Variants in IRAG1 observed in about 807,000 individuals in gnomAD.
IRAG1 encodes the protein IP3R-associated cGMP kinase substrate.
Under a neutral mutation model 106.2 loss-of-function variants are expected in IRAG1, and 62 were observed. The observed-to-expected ratio is 0.58, with a 90% CI of 0.48 to 0.72. IRAG1 has a LOEUF of 0.72. IRAG1 is among the 30% of genes least tolerant of loss of function. IRAG1 has a pLI of 0.00. For missense variants in IRAG1, 1,064 were observed against 1,140.7 expected, an observed-to-expected ratio of 0.93 and a Z score of 0.97; for synonymous variants, 462 against 443.9, an observed-to-expected ratio of 1.04 and a Z score of -0.51.
chr11:10,686,730 T>A (rs2135253369), intron 1 of IRAG1, among the ~76,000 whole-genome samples: 1 of 152,294 alleles, frequency 6.6e-6, no homozygotes, highest in Middle Eastern at 3.4e-3. Context: ...ATGGTTTTGG[T>A]TTGACTCTCA....
At chr11:10,689,331 G>A (rs980502543) in intron 1 of IRAG1, among the ~76,000 whole-genome samples, 1 of 152,134 alleles carries the variant, frequency 6.6e-6, no homozygotes, top group Non-Finnish European at 1.5e-5. Flanking sequence ...CTCATTCCCG[G>A]CTGACCCTGG....
At chr11:10,680,386 AAGG>A (rs1280016301) in intron 1 of IRAG1, among the ~76,000 whole-genome samples, 1 of 80,454 alleles carries the variant, frequency 1.2e-5, no homozygotes, top group African/African-American at 7.5e-5. Context: ...GGAAGGAAGG[AAGG>A]AAGGAAGGAA....
In IRAG1 at chr11:10,609,785, G is replaced by A. The variant is rs1296473384; in HGVS notation, c.1514C>T (p.Pro505Leu). 11 of 1,613,758 alleles carry A rather than the reference G, an allele frequency of 6.8e-6. No homozygotes were observed. The highest frequency in any genetic ancestry group is 9.3e-6 in the Non-Finnish European group (11 of 1,179,844). Residue 505 changes from proline to leucine, a missense_variant, in exon 11 of 21, where the codon CCT becomes CTT. By Grantham distance (98) the Pro-to-Leu change is moderately conservative. Transcript: ENST00000423302. ...GCGCAGCAGCACATCAGAAATATTAGGCATGACATCTAAGCCACTCTTTGA... is the reference window on the plus strand; with the variant it reads ...GCGCAGCAGCACATCAGAAATATTAAGCATGACATCTAAGCCACTCTTTGA... ...EESKSGLDVM[P>L]NISDVLLRKL...
chr11:10,594,907 C>T lies in IRAG1; in HGVS notation c.2018-712G>A, dbSNP rs752569794. ...GTGAGTCTCTTGAAAAGCACATAGC[C>T]GTATGTGTTTTTTCAAAAAAAAATT... On this transcript the variant is annotated intron_variant, in intron 15 of 20. Coordinates refer to ENST00000423302, the MANE Select transcript of IRAG1 (RefSeq NM_130385.4). Among the ~76,000 whole-genome samples the T allele has an allele frequency of 5.3e-5, 8 of 152,108 alleles. No individual in the cohort carries two copies. In the East Asian group the frequency reaches 9.7e-4, roughly 18 times the overall value.
At chr11:10,662,152 A>G (rs1310432640) in intron 1 of IRAG1, among the ~76,000 whole-genome samples, 1 of 152,198 alleles carries the variant, frequency 6.6e-6, no homozygotes, top group Non-Finnish European at 1.5e-5. Context: ...CATGCCTGTA[A>G]TCCCAGGGCT....
At chr11:10,594,360 G>T in intron 15 of IRAG1, 165 bp from the exon 16 acceptor site, 1 of 604,608 alleles carries the variant, frequency 1.7e-6, no homozygotes, top group Non-Finnish European at 2.9e-6. Context: ...CATCCTTTGA[G>T]ATGGGGCTGC....
At chr11:10,674,155 A>G (rs1056111780) in intron 1 of IRAG1, among the ~76,000 whole-genome samples, 1 of 152,232 alleles carries the variant, frequency 6.6e-6, no homozygotes, top group Non-Finnish European at 1.5e-5. Context: ...GCTCAGAGGT[A>G]AGAGACATAG....
At position 10,615,995 on chromosome 11, in the gene IRAG1, T is replaced by G. The variant is rs185573907; in HGVS notation, c.1448-6144A>C. On this transcript the variant is annotated intron_variant, in intron 10 of 20. Transcript: ENST00000423302. Reference sequence around the variant, plus strand: ...GTTTGGAACACCTTGTATAATATACTACGATTTATGTTTAAAAAATCCACT... The same window carrying G: ...GTTTGGAACACCTTGTATAATATACGACGATTTATGTTTAAAAAATCCACT... 8.2e-3 allele frequency among the ~76,000 whole-genome samples: 867 copies of G among 105,794 alleles called. 8 individuals carry two copies. The highest frequency in any genetic ancestry group is 0.022 in the African/African-American group (816 of 36,726). The allele number at this position is 105,794 out of a possible 152,430, so 69.4% of individuals were successfully genotyped here. A position where few individuals can be genotyped will look rare whatever the true frequency, so the allele number is the denominator to read the frequency against.
intron 1 of IRAG1, among the ~76,000 whole-genome samples, chr11:10,681,923 A>G (rs1418523346): frequency 1.3e-5 from 2 of 151,984 alleles, no homozygotes; most frequent in South Asian, 4.1e-4. Flanking sequence ...TTGAAATCTT[A>G]TTGTCCCAGC....
chr11:10,687,868 C>CTT (rs61314456), intron 1 of IRAG1: 146 of 1,044,858 alleles, frequency 1.4e-4, no homozygotes, highest in Admixed American at 2.4e-4. Context: ...TTTAGCTTTG[C>CTT]TTTTTTTTGG....
chr11:10,646,207 A>T (rs1171975955), intron 2 of IRAG1, among the ~76,000 whole-genome samples: 1 of 152,208 alleles, frequency 6.6e-6, no homozygotes, highest in East Asian at 1.9e-4. Flanking sequence ...TGAGGGTGTA[A>T]GCCAGGATAG....
At chr11:10,679,937 A>G (rs765383913) in intron 1 of IRAG1, among the ~76,000 whole-genome samples, 26 of 152,152 alleles carry the variant, frequency 1.7e-4, no homozygotes, top group Non-Finnish European at 3.2e-4. Flanking sequence ...TTATTTGACC[A>G]TGAAACGTTT....
chr11:10,586,205 G>A (rs1851965453), intron 18 of IRAG1: 1 of 152,122 alleles, frequency 6.6e-6, no homozygotes, highest in South Asian at 2.1e-4. Context: ...GTTGTGGGTA[G>A]GGTGGCAAGT....
chr11:10,576,696 G>C, intron 20 of IRAG1, 121 bp from the exon 21 acceptor site: 1 of 1,273,184 alleles, frequency 7.9e-7, no homozygotes, highest in Admixed American at 1.8e-5. Context: ...CTCAAACTTA[G>C]CTGTGCCTAG....
chr11:10,632,179 CTTCTTTCT>C (rs1181183875), intron 3 of IRAG1, 118 bp from the exon 4 acceptor site: 2 of 726,440 alleles, frequency 2.8e-6, no homozygotes, highest in South Asian at 3.7e-5. Flanking sequence ...TCCTTCTTTC[CTTCTTTCT>C]TTCTTTTTTT....
At chr11:10,615,109 A>C (rs1274302925) in intron 10 of IRAG1, among the ~76,000 whole-genome samples, 1 of 152,238 alleles carries the variant, frequency 6.6e-6, no homozygotes, top group Non-Finnish European at 1.5e-5. Flanking sequence ...ACCCCATCAA[A>C]AAGTGGGCAA....
rs377255048 is a variant in IRAG1, at chr11:10,609,686, C to CTGT, written c.1571+41_1571+42insACA. On this transcript the variant is annotated intron_variant, in intron 11 of 20. Transcript: ENST00000423302. The stretch of plus-strand genomic sequence containing the variant: ...CCCACCTAGAATCCAACACAGGGGC[C>CTGT]ACTCGGTACAGGGCCTTCTGTAACC... 0.011 allele frequency: 17,090 copies of CTGT among 1,599,272 alleles called. 1,529 individuals are homozygous for CTGT. The African/African-American group carries it at 0.2, about 18-fold the overall frequency.
intron 14 of IRAG1, among the ~76,000 whole-genome samples, chr11:10,602,111 C>G (rs564833671): frequency 6.6e-6 from 1 of 152,352 alleles, no homozygotes; most frequent in African/African-American, 2.4e-5. Context: ...CCCTAGAGTC[C>G]TCCCGTGTTG....
intron 1 of IRAG1, among the ~76,000 whole-genome samples, chr11:10,673,010 C>T (rs1860369045): frequency 6.6e-6 from 1 of 152,162 alleles, no homozygotes; most frequent in African/African-American, 2.4e-5. Context: ...GAGCCAGGCG[C>T]GGTGGCTCAC....
Sources: gnomAD v4.1 joint callset for allele counts (sites outside exome capture counted in the v4.1 genomes callset) on GRCh38, gnomAD v4.1.1 for gene constraint, MANE v1.5 for transcripts, NCBI Gene and HGNC (gene_info 2026-07-23, HGNC 2026-07-21) for gene names.